The following PRIM2 variants were observed in gnomAD, a reference collection of about 807,000 sequenced individuals.
The protein encoded by PRIM2 is DNA primase subunit 2, also known as DNA primase large subunit.
PRIM2 carries 39 observed loss-of-function variants against 67.3 expected under a neutral mutation model. The ratio of observed to expected loss-of-function variants is 0.58; its 90% confidence interval spans 0.45 to 0.76. The LOEUF is 0.76. PRIM2 is among the 30% of genes least tolerant of loss of function. The pLI, the probability that PRIM2 is intolerant of heterozygous loss-of-function variation, is 0.00. For synonymous variants in PRIM2, 143 were observed against 198.7 expected (o/e 0.72, Z 2.36); for missense variants, 398 against 598.7 (o/e 0.66, Z 3.50).
At chr6:57,429,595 A>C (rs1459336819) in intron 7 of PRIM2, among the ~76,000 whole-genome samples, 1 of 152,214 alleles carries the variant, frequency 6.6e-6, no homozygotes, top group Non-Finnish European at 1.5e-5. Context: ...GTACTTCAGA[A>C]TGTGACCGCA....
intron 7 of PRIM2, among the ~76,000 whole-genome samples, chr6:57,439,932 G>T (rs1253023372): frequency 6.6e-6 from 1 of 152,188 alleles, no homozygotes; most frequent in East Asian, 1.9e-4. Context: ...GAAGACTTTG[G>T]AGTGGTTACT....
chr6:57,329,350 T>C (rs538092112), intron 5 of PRIM2, among the ~76,000 whole-genome samples: 3 of 152,284 alleles, frequency 2.0e-5, no homozygotes, highest in South Asian at 2.1e-4. Context: ...ACTTCATTCT[T>C]TTGCATGTAG....
At chr6:57,378,707 T>C (rs1769855750) in intron 5 of PRIM2, among the ~76,000 whole-genome samples, 1 of 152,146 alleles carries the variant, frequency 6.6e-6, no homozygotes, top group Non-Finnish European at 1.5e-5. Flanking sequence ...ATATCCTACA[T>C]CATTTGAGCA....
intron 7 of PRIM2, among the ~76,000 whole-genome samples, chr6:57,495,723 C>T (rs2127411832): frequency 6.6e-6 from 1 of 152,298 alleles, no homozygotes; most frequent in Admixed American, 6.5e-5. Flanking sequence ...CTACACTCCA[C>T]TCCCCATAAC....
Position 57,471,774 on chromosome 6 carries a change from T to C in PRIM2, c.694-35613T>C, listed in dbSNP as rs1773341417. ...AAGTGAATCATCAAATCACCTTGTTTTCCTCTGAAAAAAAATGAAGTATAT... is the reference window on the plus strand; with the variant it reads ...AAGTGAATCATCAAATCACCTTGTTCTCCTCTGAAAAAAAATGAAGTATAT... On this transcript the variant is annotated intron_variant, in intron 7 of 13. Coordinates refer to ENST00000615550, the MANE Select transcript of PRIM2 (RefSeq NM_000947.5). Among the ~76,000 whole-genome samples, 3 of 152,228 alleles carry C rather than the reference T, an allele frequency of 2.0e-5. No individual in the cohort carries two copies. The South Asian group carries it at 6.2e-4, about 31-fold the overall frequency.
chr6:57,420,278 G>GT (rs1448739090), intron 7 of PRIM2, among the ~76,000 whole-genome samples: 4 of 152,186 alleles, frequency 2.6e-5, no homozygotes, highest in African/African-American at 9.7e-5. Context: ...GCCAAGGCGG[G>GT]TAGATCACGA....
intron 10 of PRIM2, among the ~76,000 whole-genome samples, chr6:57,540,592 A>T (rs1447850780): frequency 6.6e-6 from 1 of 152,222 alleles, no homozygotes; most frequent in Non-Finnish European, 1.5e-5. Context: ...AAAGGTAAGA[A>T]AAAATTAAGT....
intron 7 of PRIM2, among the ~76,000 whole-genome samples, chr6:57,456,158 G>A (rs578130638): frequency 6.6e-6 from 1 of 152,186 alleles, no homozygotes; most frequent in African/African-American, 2.4e-5. Flanking sequence ...GAGATCCGCT[G>A]TTAGTCTGAT....
intron 13 of PRIM2, among the ~76,000 whole-genome samples, chr6:57,636,580 G>C (rs1301800345): frequency 4.6e-5 from 7 of 152,130 alleles, no homozygotes; most frequent in African/African-American, 7.2e-5. Context: ...TTGCTATCAA[G>C]CAACTTAGTA....
At chr6:57,507,272 T>C (rs1358423956) in intron 7 of PRIM2, 115 bp from the exon 8 acceptor site, 1 of 816,032 alleles carries the variant, frequency 1.2e-6, no homozygotes, top group Non-Finnish European at 1.8e-6. Context: ...AATAGAACCT[T>C]ATATTTTTAA....
At chr6:57,436,156 G>A (rs551556442) in intron 7 of PRIM2, among the ~76,000 whole-genome samples, 1 of 152,148 alleles carries the variant, frequency 6.6e-6, no homozygotes, top group Non-Finnish European at 1.5e-5. Flanking sequence ...TGTGTTTTAG[G>A]ATGAGGAGGC....
chr6:57,252,517 C>T, the PRIM2 span, among the ~76,000 whole-genome samples: 2 of 152,108 alleles, frequency 1.3e-5, no homozygotes, highest in South Asian at 2.1e-4. Flanking sequence ...CTTGGCTCAC[C>T]GCAACCTCTG....
At chr6:57,241,822 G>A in the PRIM2 span, among the ~76,000 whole-genome samples, 7 of 150,710 alleles carry the variant, frequency 4.6e-5, no homozygotes, top group South Asian at 6.4e-4. Context: ...ACAGGCGCCC[G>A]CCACCACGCC....
intron 7 of PRIM2, among the ~76,000 whole-genome samples, chr6:57,424,192 A>G (rs1771550953): frequency 6.6e-6 from 1 of 152,132 alleles, no homozygotes; most frequent in Non-Finnish European, 1.5e-5. Context: ...CTGTTTTTTC[A>G]GTGTTAGCTG....
intron 12 of PRIM2, among the ~76,000 whole-genome samples, chr6:57,617,250 T>C (rs2127496009): frequency 6.6e-6 from 1 of 152,366 alleles, no homozygotes; most frequent in South Asian, 2.1e-4. Flanking sequence ...TCTCACCATC[T>C]TTGCTCTGTG....
chr6:57,388,661 A>G (rs1156443116), intron 7 of PRIM2, among the ~76,000 whole-genome samples: 2 of 152,204 alleles, frequency 1.3e-5, no homozygotes, highest in Admixed American at 1.3e-4. Flanking sequence ...TCTGGCATCA[A>G]GGTCTATGTT....
At chr6:57,600,339 T>TATC (rs1318227678) in intron 10 of PRIM2, among the ~76,000 whole-genome samples, 1 of 12,380 alleles carries the variant, frequency 8.1e-5, no homozygotes, top group Non-Finnish European at 1.5e-4. Context: ...AGGAAGGGAT[T>TATC]ATTATTATTA....
chr6:57,545,374 T>C (rs1257983935), intron 10 of PRIM2, among the ~76,000 whole-genome samples: 20 of 152,120 alleles, frequency 1.3e-4, no homozygotes, highest in Admixed American at 6.5e-5. Context: ...ATTCTGAAGA[T>C]ACTGAAATAA....
At position 57,543,035 on chromosome 6, in the gene PRIM2, C is replaced by G. The variant is rs1224169109; in HGVS notation, c.1020+5410C>G. ...CTCACTGCAGGCTCCGCCCCCTGGG[C>G]TTCACGCCATTCTCCTGCCTCAGCC... On this transcript the variant is annotated intron_variant, in intron 10 of 13. Transcript: ENST00000615550. Among the ~76,000 whole-genome samples, 196 of 143,756 alleles carry G rather than the reference C, an allele frequency of 1.4e-3. 5 individuals are homozygous for G. In the East Asian group the frequency reaches 0.018, roughly 13 times the overall value. 94.3% of individuals were successfully genotyped at this position (143,756 alleles called of 152,430 possible). A position where few individuals can be genotyped will look rare whatever the true frequency, so the allele number is the denominator to read the frequency against.
Sources: gnomAD v4.1 joint callset for allele counts (sites outside exome capture counted in the v4.1 genomes callset) on GRCh38, gnomAD v4.1.1 for gene constraint, MANE v1.5 for transcripts, NCBI Gene and HGNC (gene_info 2026-07-23, HGNC 2026-07-21) for gene names.